TBC1D23: variants seen among roughly 807,000 people sequenced by gnomAD.
TBC1D23 encodes HCV non-structural protein 4A-transactivated protein 1.
Under a neutral mutation model 91.4 loss-of-function variants are expected in TBC1D23, and 55 were observed. That is an observed-to-expected ratio of 0.60 (90% CI 0.48 to 0.75). TBC1D23 has a LOEUF of 0.75. Ranked by LOEUF, TBC1D23 falls within the 30% of genes least tolerant of loss-of-function variation. TBC1D23 has a pLI of 0.00. For missense variants in TBC1D23, 725 were observed against 836.1 expected (o/e 0.87, Z 1.64); for synonymous variants, 289 against 281.0 (o/e 1.03, Z -0.28).
chr3:100,281,706 A>G (rs1028042066), intron 2 of TBC1D23, 36 bp from the exon 3 acceptor site: 9 of 1,323,752 alleles, frequency 6.8e-6, no homozygotes, highest in Admixed American at 3.5e-5. Context: ...GAGGAATAAC[A>G]TATGAAGCTA....
At chr3:100,267,176 A>G (rs894982142) in intron 1 of TBC1D23, 3 of 412,918 alleles carry the variant, frequency 7.3e-6, no homozygotes, top group Admixed American at 3.1e-5. Flanking sequence ...ACAGAAAATA[A>G]TAGGATTAAA....
intron 1 of TBC1D23, among the ~76,000 whole-genome samples, chr3:100,278,652 G>C (rs2067670126): frequency 6.6e-6 from 1 of 152,108 alleles, no homozygotes; most frequent in Admixed American, 6.6e-5. Context: ...CCAAAGTGCT[G>C]GGATTACAGG....
intron 17 of TBC1D23, among the ~76,000 whole-genome samples, chr3:100,319,574 A>G (rs1335481522): frequency 6.6e-6 from 1 of 151,998 alleles, no homozygotes; most frequent in Admixed American, 6.6e-5. Context: ...GATTACAGGC[A>G]TGCGCCACCA....
intron 15 of TBC1D23, chr3:100,315,882 C>G (rs1185901689): frequency 3.7e-6 from 2 of 541,792 alleles, no homozygotes; most frequent in Non-Finnish European, 6.6e-6. Flanking sequence ...GAGCATTCAG[C>G]CTACCAAGGC....
intron 12 of TBC1D23, among the ~76,000 whole-genome samples, chr3:100,305,909 A>AGT (rs916244504): frequency 2.6e-5 from 4 of 152,188 alleles, no homozygotes; most frequent in Non-Finnish European, 5.9e-5. Flanking sequence ...AATTCTCAAA[A>AGT]GTGTCTGAAA....
Position 100,306,433 on chromosome 3 carries a change from T to G in TBC1D23, c.1307-4T>G, listed in dbSNP as rs755502384. ...TTTTTCTTTTTTTTTTAATTTATCT[T>G]AAGCACTGCAGCAGCACCTGGCAGA... On this transcript the variant is annotated splice_polypyrimidine_tract_variant and splice_region_variant and intron_variant, in intron 12 of 18. Coordinates refer to ENST00000394144, the MANE Select transcript of TBC1D23 (RefSeq NM_001199198.3). 4.5e-6 allele frequency: 7 copies of G among 1,569,482 alleles called. No individual in the cohort carries two copies. Among genetic ancestry groups the G allele is most frequent in the South Asian group, 1.1e-5 (1 of 88,214 alleles).
At chr3:100,261,138 C>T in intron 1 of TBC1D23, 67 bp downstream of exon 1, 4 of 1,487,668 alleles carry the variant, frequency 2.7e-6, no homozygotes, top group South Asian at 1.1e-5. Context: ...TTGCCGGTCC[C>T]CGAGGAGCCG....
rs1197250972 is a variant in TBC1D23, at chr3:100,261,050, C to A, written c.32C>A (p.Pro11Gln). 3 of 1,613,926 alleles carry A rather than the reference C, an allele frequency of 1.9e-6. No homozygotes were observed. The highest frequency in any genetic ancestry group is 2.2e-5 in the South Asian group (2 of 91,062). The change falls in exon 1 of 19, where the codon CCA becomes CAA. Residue 11 changes from proline (P) to glutamine (Q), a missense_variant. Coordinates refer to ENST00000394144, the MANE Select transcript of TBC1D23 (RefSeq NM_001199198.3). ...GAAGGAGAAGATGTGCCGCCGCTGC[C>A]AACGTCGAGCGGCGACGGCTGGTGA... MAEGEDVPPL[P>Q]TSSGDGWEKD...
chr3:100,322,247 A>G (rs1307032642), intron 18 of TBC1D23, among the ~76,000 whole-genome samples: 3 of 152,082 alleles, frequency 2.0e-5, no homozygotes, highest in African/African-American at 7.2e-5. Context: ...GGCGCCCGCC[A>G]CCATGCCCAG....
At chr3:100,282,961 A>G (rs1199060111) in intron 3 of TBC1D23, among the ~76,000 whole-genome samples, 1 of 152,242 alleles carries the variant, frequency 6.6e-6, no homozygotes, top group Non-Finnish European at 1.5e-5. Context: ...TACTGAATGT[A>G]TAGAAGTCTT....
chr3:100,271,259 A>G (rs72938971), intron 1 of TBC1D23, among the ~76,000 whole-genome samples: 5 of 152,302 alleles, frequency 3.3e-5, no homozygotes, highest in African/African-American at 1.2e-4. Flanking sequence ...AAGATGAGGG[A>G]AAAGTTGTTA....
chr3:100,306,171 C>T (rs773283979), intron 12 of TBC1D23, among the ~76,000 whole-genome samples: 11 of 152,022 alleles, frequency 7.2e-5, no homozygotes, highest in South Asian at 2.1e-4. Flanking sequence ...AAGAAGAAAA[C>T]GTAAAGCCTA....
chr3:100,268,962 T>C (rs1032575943), intron 1 of TBC1D23, among the ~76,000 whole-genome samples: 1 of 152,202 alleles, frequency 6.6e-6, no homozygotes, highest in Non-Finnish European at 1.5e-5. Flanking sequence ...TATCTTTTTA[T>C]TTTTTACTTA....
In TBC1D23 at chr3:100,283,800, G is replaced by A. The variant is rs2067717480; in HGVS notation, c.465G>A (p.Lys155=). The change falls in exon 4 of 19, where the codon AAG becomes AAA. Residue 155 remains lysine (K), a synonymous_variant. Coordinates refer to ENST00000394144, the MANE Select transcript of TBC1D23 (RefSeq NM_001199198.3). The part of the protein sequence containing the change: ...LYNCFYAIMN[K]YIPRDCSQKG... ...ACTGCTTTTATGCCATAATGAATAA[G>A]TACATTCCCAGGTAAAATATGATTC... is the stretch of plus-strand genomic sequence containing the variant. 1.2e-6 allele frequency: 2 copies of A among 1,603,862 alleles called. No individual in the cohort carries two copies. The highest frequency in any genetic ancestry group is 8.5e-7 in the Non-Finnish European group (1 of 1,171,100).
Position 100,320,782 on chromosome 3 carries a change from T to C in TBC1D23, c.1829T>C (p.Leu610Pro). The C allele has an allele frequency of 6.8e-7, 1 of 1,469,816 alleles. No homozygotes were observed. The highest frequency in any genetic ancestry group is 9.0e-7 in the Non-Finnish European group (1 of 1,107,734). 91.0% of individuals were successfully genotyped at this position (1,469,816 alleles called of 1,614,324 possible). Residue 610 changes from leucine (L) to proline (P), a missense_variant, in exon 18 of 19, where the codon CTG (leucine) becomes CCG (proline). Physicochemically the swap from Leu to Pro is moderately conservative, Grantham distance 98 (BLOSUM62 -3). Transcript: ENST00000394144. ...AATGCTTTTTTTGTCTCAAGTCATC[T>C]GTTGGTTACTGCAACACATATGTAC... is the stretch of plus-strand genomic sequence containing the variant. ...KESGHMFPSH[L>P]LVTATHMYCL...
chr3:100,284,290 G>A (rs550998250), intron 4 of TBC1D23, among the ~76,000 whole-genome samples: 18 of 152,084 alleles, frequency 1.2e-4, no homozygotes, highest in Non-Finnish European at 2.4e-4. Flanking sequence ...TTTTTATAAC[G>A]TGTTGTATAA....
At chr3:100,292,589 G>A (rs1211892254) in intron 5 of TBC1D23, among the ~76,000 whole-genome samples, 1 of 152,094 alleles carries the variant, frequency 6.6e-6, no homozygotes, top group Middle Eastern at 3.2e-3. Flanking sequence ...CTTGGCCACA[G>A]TCTTGTCAGT....
At chr3:100,283,287 T>A (rs1407625401) in intron 3 of TBC1D23, among the ~76,000 whole-genome samples, 1 of 151,798 alleles carries the variant, frequency 6.6e-6, no homozygotes, top group African/African-American at 2.4e-5. Context: ...GGCAGAAGAA[T>A]CACTTGAAAT....
intron 5 of TBC1D23, among the ~76,000 whole-genome samples, 157 bp downstream of exon 5, chr3:100,290,858 C>CT (rs34636745): frequency 6.6e-6 from 1 of 151,632 alleles, no homozygotes; most frequent in Non-Finnish European, 1.5e-5. Context: ...TTCAAAATAA[C>CT]TTTTTTTGCC....
Sources: allele counts gnomAD v4.1 joint callset (sites outside exome capture counted in the v4.1 genomes callset), GRCh38; gene constraint gnomAD v4.1.1; transcripts MANE v1.5; gene names NCBI Gene and HGNC (gene_info 2026-07-23, HGNC 2026-07-21).